Variants in ZNF536 observed in about 807,000 individuals in gnomAD.
The protein encoded by ZNF536 is zinc finger protein 536.
A neutral mutation model predicts 84.5 loss-of-function variants in ZNF536; 13 were observed. The observed-to-expected ratio is 0.15, with a 90% CI of 0.10 to 0.24. ZNF536 has a LOEUF of 0.24. ZNF536 is among the 10% of genes least tolerant of loss of function. The pLI is 1.00. For missense variants in ZNF536, 1,536 were observed against 1,747.5 expected, an observed-to-expected ratio of 0.88 and a Z score of 2.16; for synonymous variants, 811 against 742.5, an observed-to-expected ratio of 1.09 and a Z score of -1.50.
In ZNF536 at chr19:30,634,725, A is replaced by G. The variant is rs944794480; in HGVS notation, c.170-76032A>G. Among the ~76,000 whole-genome samples the G allele has an allele frequency of 1.1e-4, 17 of 152,248 alleles. No individual in the cohort carries two copies. In the East Asian group the frequency reaches 3.1e-3, roughly 28 times the overall value. On this transcript the variant is annotated intron_variant, in intron 1 of 1. Transcript: ENST00000592773. ...TGAGGCCAGGACTGAAGTCTGGCCCACGTTACAAACTCACACAATCCAACC... is the reference window on the plus strand; with the variant it reads ...TGAGGCCAGGACTGAAGTCTGGCCCGCGTTACAAACTCACACAATCCAACC...
chr19:30,440,236 C>T (rs1390868539), intron 1 of ZNF536, among the ~76,000 whole-genome samples: 1 of 152,040 alleles, frequency 6.6e-6, no homozygotes, highest in Non-Finnish European at 1.5e-5. Context: ...GCTGGGATTA[C>T]AGGCATAAGC....
Position 30,549,357 on chromosome 19 carries a change from G to A in ZNF536, c.3738G>A (p.Ala1246=), listed in dbSNP as rs763122092. Residue 1246 remains alanine (A), a synonymous_variant, in exon 4 of 5, where the codon GCG becomes GCA. Transcript: ENST00000355537. ...QGLLQAQDPL[A]GLPKPERGPQ... is the part of the protein sequence containing the mutation. The stretch of plus-strand genomic sequence containing the variant: ...TTCTCCAAGCCCAGGACCCCTTGGC[G>A]GGCCTGCCAAAGCCGGAGCGGGGGC... 1.6e-5 allele frequency: 26 copies of A among 1,602,734 alleles called. No homozygotes were observed. The highest frequency in any genetic ancestry group is 1.2e-4 in the African/African-American group (9 of 74,708).
At chr19:30,309,879 G>A (rs1389087802) in intron 2 of ZNF536, among the ~76,000 whole-genome samples, 1 of 152,062 alleles carries the variant, frequency 6.6e-6, no homozygotes, top group Non-Finnish European at 1.5e-5. Context: ...TTCCTTCCTT[G>A]GCTTTTTCTG....
chr19:30,558,806 G>A (rs1193659416), downstream of ZNF536, among the ~76,000 whole-genome samples: 1 of 152,116 alleles, frequency 6.6e-6, no homozygotes, highest in Admixed American at 6.5e-5. Context: ...GACCATCCCT[G>A]AGCCCTTGTC....
chr19:30,336,428 C>A (rs974474675), intron 2 of ZNF536, among the ~76,000 whole-genome samples: 1 of 152,182 alleles, frequency 6.6e-6, no homozygotes, highest in Non-Finnish European at 1.5e-5. Context: ...GGAAGGACAG[C>A]GCAGGGCAGC....
At chr19:30,331,187 G>A (rs1454476763) in intron 2 of ZNF536, among the ~76,000 whole-genome samples, 1 of 148,386 alleles carries the variant, frequency 6.7e-6, no homozygotes, top group Non-Finnish European at 1.5e-5. Flanking sequence ...GGGAGGCTGA[G>A]GCAGGAGGAT....
intron 2 of ZNF536, among the ~76,000 whole-genome samples, chr19:30,456,361 TGCA>T (rs1416256173): frequency 2.0e-5 from 3 of 149,722 alleles, no homozygotes; most frequent in African/African-American, 7.4e-5. Context: ...TGTACGTTTC[TGCA>T]GCATTTGTGA....
At chr19:30,530,814 T>A (rs1223069562) in intron 2 of ZNF536, among the ~76,000 whole-genome samples, 1 of 152,236 alleles carries the variant, frequency 6.6e-6, no homozygotes, top group Non-Finnish European at 1.5e-5. Context: ...AGTGCTTTTA[T>A]ACTCGGGGTA....
At chr19:30,526,584 C>T (rs1273265766) in intron 2 of ZNF536, among the ~76,000 whole-genome samples, 1 of 145,786 alleles carries the variant, frequency 6.9e-6, no homozygotes, top group Non-Finnish European at 1.6e-5. Context: ...ATTAGCCGGG[C>T]GTAGTGGCGG....
chr19:30,543,745 G>A lies in ZNF536; in HGVS notation c.2324-4198G>A, dbSNP rs116766939. Among the ~76,000 whole-genome samples the A allele has an allele frequency of 1.7e-3, 259 of 152,302 alleles. 4 individuals carry two copies. Among genetic ancestry groups the A allele is most frequent in the African/African-American group, 6.0e-3 (249 of 41,562 alleles). The stretch of plus-strand genomic sequence containing the variant: ...TGTTAGGCCTCTCCTTGTGGTTGCT[G>A]CCCCACCCCGTCTAGGCCAACGTTG... On this transcript the variant is annotated intron_variant, in intron 3 of 4. Coordinates refer to ENST00000355537, the MANE Select transcript of ZNF536 (RefSeq NM_014717.3).
chr19:30,401,809 A>T (rs1024624811), intron 1 of ZNF536, among the ~76,000 whole-genome samples: 4 of 152,204 alleles, frequency 2.6e-5, no homozygotes, highest in African/African-American at 9.7e-5. Flanking sequence ...TTAGTAAAGG[A>T]CTTCAAGGGA....
At chr19:30,473,666 T>C (rs1160340080) in intron 2 of ZNF536, among the ~76,000 whole-genome samples, 1 of 152,240 alleles carries the variant, frequency 6.6e-6, no homozygotes, top group African/African-American at 2.4e-5. Context: ...GCCGCTACAA[T>C]GTATCCTGAA....
chr19:30,582,260 C>T (rs1469859633), intron 1 of ZNF536, among the ~76,000 whole-genome samples: 1 of 152,070 alleles, frequency 6.6e-6, no homozygotes, highest in Non-Finnish European at 1.5e-5. Flanking sequence ...GTGCCTACTG[C>T]CAAGGGAGCC....
chr19:30,446,174 G>T (rs1271060855), intron 2 of ZNF536, among the ~76,000 whole-genome samples: 1 of 150,066 alleles, frequency 6.7e-6, no homozygotes, highest in Non-Finnish European at 1.5e-5. Context: ...GCTTGAGCCC[G>T]GGAGGGGGAG....
chr19:30,461,431 T>A (rs1168891110), intron 2 of ZNF536, among the ~76,000 whole-genome samples: 1 of 152,118 alleles, frequency 6.6e-6, no homozygotes, highest in South Asian at 2.1e-4. Context: ...GTAGGAGTCA[T>A]CCCGACATCC....
In ZNF536 at chr19:30,444,452, A is replaced by G. The variant is rs2148184203; in HGVS notation, c.890A>G (p.His297Arg). The change falls in exon 2 of 5, where the codon CAC (histidine) becomes CGC (arginine). Residue 297 changes from histidine (H) to arginine (R), a missense_variant. Transcript: ENST00000355537. ...CTGGACCGCCACATCCGCATCTTGC[A>G]CAAGCCCTACAAGTGCACGTTGTGC... ...EELDRHIRIL[H>R]KPYKCTLCDF... 1 of 1,610,064 alleles carries G rather than the reference A, an allele frequency of 6.2e-7. No individual in the cohort carries two copies.
At chr19:30,342,268 G>A (rs769702731) in intron 2 of ZNF536, among the ~76,000 whole-genome samples, 59 of 152,230 alleles carry the variant, frequency 3.9e-4, no homozygotes, top group African/African-American at 9.9e-4. Flanking sequence ...GATTTTTGCC[G>A]TAGTCAAATT....
intron 1 of ZNF536, among the ~76,000 whole-genome samples, chr19:30,277,309 A>G (rs563240711): frequency 6.6e-6 from 1 of 152,240 alleles, no homozygotes; most frequent in South Asian, 2.1e-4. Flanking sequence ...ATGCTAAAGC[A>G]TGTAAAAATA....
In ZNF536 at chr19:30,445,160, T is replaced by C; in HGVS notation, c.1598T>C (p.Met533Thr). ...AWQLMARGMA[M>T]EHGFLSKEHP... Reference sequence around the variant, plus strand: ...CAGCTCATGGCCAGGGGCATGGCCATGGAACATGGCTTCTTGTCTAAAGAG... The same window carrying C: ...CAGCTCATGGCCAGGGGCATGGCCACGGAACATGGCTTCTTGTCTAAAGAG... Residue 533 changes from methionine (M) to threonine (T), a missense_variant, in exon 2 of 5, where the codon ATG (methionine) becomes ACG (threonine). By Grantham distance (81) the Met-to-Thr change is moderately conservative. This residue lies in a region of ZNF536 where 366 missense variants were observed against 364.4 expected (regional missense o/e 1.00). Transcript: ENST00000355537. The surrounding 1 kb of genome is among the most constrained non-coding windows in gnomAD (Gnocchi z 4.5). The C allele has an allele frequency of 6.2e-7, 1 of 1,614,124 alleles. No homozygotes were observed. Among genetic ancestry groups the C allele is most frequent in the East Asian group, 2.2e-5 (1 of 44,842 alleles).
Sources: gnomAD v4.1 joint callset for allele counts (sites outside exome capture counted in the v4.1 genomes callset) on GRCh38, gnomAD v4.1.1 for gene constraint, gnomAD v4.1.1 regional missense constraint, Gnocchi (gnomAD v3.1) non-coding constraint, MANE v1.5 for transcripts, NCBI Gene and HGNC (gene_info 2026-07-23, HGNC 2026-07-21) for gene names.